The following NCK1 variants were observed in gnomAD, a reference collection of about 807,000 sequenced individuals.
NCK1 encodes SH2/SH3 adapter protein NCK1.
NCK1 carries 19 observed loss-of-function variants against 36.6 expected under a neutral mutation model. The ratio of observed to expected loss-of-function variants is 0.52; its 90% confidence interval spans 0.36 to 0.76. The LOEUF is 0.76. Among genes scored for constraint, NCK1 ranks in the 30% least tolerant of loss-of-function variants. NCK1 has a pLI of 0.00. For missense variants in NCK1, 358 were observed against 445.6 expected (o/e 0.80, Z 1.77); for synonymous variants, 165 against 156.0 (o/e 1.06, Z -0.43).
At chr3:136,924,546 A>G (rs1940191495) in intron 1 of NCK1, among the ~76,000 whole-genome samples, 1 of 152,248 alleles carries the variant, frequency 6.6e-6, no homozygotes, top group Non-Finnish European at 1.5e-5. Flanking sequence ...CAAAAATTGA[A>G]TATTAGCATT....
At chr3:136,901,386 A>G (rs1221589678) in intron 1 of NCK1, among the ~76,000 whole-genome samples, 1 of 137,018 alleles carries the variant, frequency 7.3e-6, no homozygotes, top group Non-Finnish European at 1.6e-5. Context: ...AATATTTTTT[A>G]TTGCATCCTT....
chr3:136,915,150 A>G (rs1354038118), intron 1 of NCK1, among the ~76,000 whole-genome samples: 1 of 152,174 alleles, frequency 6.6e-6, no homozygotes, highest in Non-Finnish European at 1.5e-5. Context: ...CTTTGTAGCA[A>G]CACAGACAGA....
intron 1 of NCK1, among the ~76,000 whole-genome samples, chr3:136,870,028 G>GTTTTTTTTTT (rs749807329): frequency 1.0e-5 from 1 of 96,818 alleles, no homozygotes; most frequent in Non-Finnish European, 1.9e-5. Flanking sequence ...TTTCTCAAAA[G>GTTTTTTTTTT]TTTTTTTTTT....
chr3:136,883,695 CTA>C (rs1417292968), intron 1 of NCK1, among the ~76,000 whole-genome samples: 2 of 152,168 alleles, frequency 1.3e-5, no homozygotes, highest in Admixed American at 1.3e-4. Flanking sequence ...TGGAGGGAAT[CTA>C]TTATATAGAA....
intron 1 of NCK1, among the ~76,000 whole-genome samples, chr3:136,888,862 T>G (rs1290148219): frequency 6.6e-6 from 1 of 151,852 alleles, no homozygotes; most frequent in African/African-American, 2.4e-5. Context: ...ATGTTTTTTT[T>G]GTTGTTTGTT....
rs187098947 is a variant in NCK1 at position 136,880,237 on chromosome 3, A to G, written c.-19+17884A>G. 1.9e-3 allele frequency among the ~76,000 whole-genome samples: 290 copies of G among 152,064 alleles called. 7 individuals carry two copies. In the East Asian group the frequency reaches 0.048, roughly 25 times the overall value. Reference sequence around the variant, plus strand: ...GAGGTGGAGCTTGCAGTGAGCCGAGATCATGCCACTGCACTCCAGCCGGGG... The same window carrying G: ...GAGGTGGAGCTTGCAGTGAGCCGAGGTCATGCCACTGCACTCCAGCCGGGG... On this transcript the variant is annotated intron_variant, in intron 1 of 3. Coordinates refer to ENST00000481752, the MANE Select transcript of NCK1 (RefSeq NM_001291999.2).
At chr3:136,924,873 G>A (rs1411472021) in intron 1 of NCK1, among the ~76,000 whole-genome samples, 3 of 152,050 alleles carry the variant, frequency 2.0e-5, no homozygotes, top group East Asian at 1.9e-4. Flanking sequence ...TGCAACCTCC[G>A]GCATATATGG....
intron 1 of NCK1, among the ~76,000 whole-genome samples, chr3:136,865,742 A>G (rs1938393721): frequency 6.6e-6 from 1 of 152,260 alleles, no homozygotes; most frequent in Non-Finnish European, 1.5e-5. Context: ...TTAGGAAGAC[A>G]ACAAGGCTAA....
intron 2 of NCK1, among the ~76,000 whole-genome samples, chr3:136,943,485 G>C (rs990222121): frequency 1.3e-5 from 2 of 152,234 alleles, no homozygotes; most frequent in African/African-American, 4.8e-5. Flanking sequence ...GCTGCAAAGA[G>C]ATCTGGGAAC....
At position 136,922,059 on chromosome 3, in the gene NCK1, A is replaced by G. The variant is rs185480052; in HGVS notation, c.-18-5925A>G. Among the ~76,000 whole-genome samples, 42 of 152,352 alleles carry G rather than the reference A, an allele frequency of 2.8e-4. 1 individual carries two copies. The highest frequency in any genetic ancestry group is 2.5e-4 in the Non-Finnish European group (17 of 68,036). The stretch of plus-strand genomic sequence containing the variant: ...CGGCCTCCCAAAGTGCTGGGATTAC[A>G]GGCGTGAGCCACCGCGCCCGGCCAC... On this transcript the variant is annotated intron_variant, in intron 1 of 3. Coordinates refer to ENST00000481752, the MANE Select transcript of NCK1 (RefSeq NM_001291999.2).
intron 3 of NCK1, among the ~76,000 whole-genome samples, chr3:136,946,651 T>C (rs1940835403): frequency 1.1e-5 from 1 of 91,650 alleles, no homozygotes; most frequent in East Asian, 5.3e-4. Context: ...CTGGGAAACA[T>C]TTAAAAAATT....
At chr3:136,922,439 T>C (rs1209702184) in intron 1 of NCK1, among the ~76,000 whole-genome samples, 1 of 152,200 alleles carries the variant, frequency 6.6e-6, no homozygotes, top group Non-Finnish European at 1.5e-5. Flanking sequence ...CACCAGGTTT[T>C]GGCTGGAACA....
chr3:136,887,478 C>T (rs542908122), intron 1 of NCK1, among the ~76,000 whole-genome samples: 148 of 152,022 alleles, frequency 9.7e-4, no homozygotes, highest in Non-Finnish European at 1.9e-3. Flanking sequence ...AAAATGAAGG[C>T]GAGAAGGAGA....
chr3:136,887,399 T>C (rs1221664726), intron 1 of NCK1, among the ~76,000 whole-genome samples: 2 of 152,120 alleles, frequency 1.3e-5, no homozygotes, highest in Non-Finnish European at 2.9e-5. Flanking sequence ...AATAGCAGCC[T>C]AAGTAAGACT....
At chr3:136,865,324 A>C (rs888086548) in intron 1 of NCK1, among the ~76,000 whole-genome samples, 8 of 152,170 alleles carry the variant, frequency 5.3e-5, no homozygotes, top group African/African-American at 1.7e-4. Context: ...ACCTCAAGCA[A>C]TCTGCCCACC....
chr3:136,876,659 TA>T (rs1260471706), intron 1 of NCK1, among the ~76,000 whole-genome samples: 1 of 152,046 alleles, frequency 6.6e-6, no homozygotes, highest in African/African-American at 2.4e-5. Context: ...TTTCTACTTT[TA>T]TTCCTACAAA....
rs540249772 is a variant in NCK1, at chr3:136,923,604, A to G, written c.-18-4380A>G. Among the ~76,000 whole-genome samples the G allele has an allele frequency of 1.3e-4, 19 of 150,282 alleles. No homozygotes were observed. The South Asian group carries it at 4.0e-3, about 32-fold the overall frequency. On this transcript the variant is annotated intron_variant, in intron 1 of 3. Coordinates refer to ENST00000481752, the MANE Select transcript of NCK1 (RefSeq NM_001291999.2). ...TAAATAAATAAATAAATGGCTGTCCAGTGGGGTGGATGGGAGAGGGGAGAG... is the reference window on the plus strand; with the variant it reads ...TAAATAAATAAATAAATGGCTGTCCGGTGGGGTGGATGGGAGAGGGGAGAG...
chr3:136,895,215 T>C lies in NCK1; in HGVS notation c.-18-32769T>C, dbSNP rs114235856. ...ATAATAGGGATGTGATAAACAGTTT[T>C]CACTTTAACGTAGTCAACTATATGA... On this transcript the variant is annotated intron_variant, in intron 1 of 3. Transcript: ENST00000481752. 2.4e-3 allele frequency among the ~76,000 whole-genome samples: 372 copies of C among 152,262 alleles called. 1 individual carries two copies. The highest frequency in any genetic ancestry group is 8.3e-3 in the African/African-American group (346 of 41,546).
chr3:136,916,050 G>C (rs567208886), intron 1 of NCK1, among the ~76,000 whole-genome samples: 2 of 152,124 alleles, frequency 1.3e-5, no homozygotes, highest in South Asian at 4.2e-4. Flanking sequence ...TAAACAACCA[G>C]GTCTCATGAG....
Sources: gnomAD v4.1 joint callset for allele counts (sites outside exome capture counted in the v4.1 genomes callset) on GRCh38, gnomAD v4.1.1 for gene constraint, MANE v1.5 for transcripts, NCBI Gene and HGNC (gene_info 2026-07-23, HGNC 2026-07-21) for gene names.